The following KIF7 variants were observed in gnomAD, a reference collection of about 807,000 sequenced individuals.
The protein encoded by KIF7 is kinesin-like protein KIF7.
A neutral mutation model predicts 135.7 loss-of-function variants in KIF7; 104 were observed. The ratio of observed to expected loss-of-function variants is 0.77; its 90% CI spans 0.65 to 0.90. KIF7 has a LOEUF of 0.90. Ranked by LOEUF, KIF7 falls within the 40% of genes least tolerant of loss-of-function variation. The probability of loss-of-function intolerance (pLI) is 0.00; values close to 1 mark genes in which losing one functional copy is unlikely to be tolerated. For missense variants in KIF7, 2,005 were observed against 1,839.1 expected (o/e 1.09, Z -1.65); for synonymous variants, 883 against 809.4 (o/e 1.09, Z -1.54).
At chr15:89,634,032 C>T in intron 11 of KIF7, 149 bp from the exon 12 acceptor site, 1 of 846,202 alleles carries the variant, frequency 1.2e-6, no homozygotes, top group Non-Finnish European at 1.9e-6. Flanking sequence ...GGTGCGGTGG[C>T]TCACGTCTGT....
chr15:89,654,072 C>T (rs538013069), intron 1 of KIF7, among the ~76,000 whole-genome samples: 1 of 152,246 alleles, frequency 6.6e-6, no homozygotes, highest in East Asian at 1.9e-4. Flanking sequence ...TGCAGTGGCC[C>T]GATCTCCGCT....
At chr15:89,631,765 G>C in intron 14 of KIF7, 55 bp from the exon 15 acceptor site, 2 of 1,413,808 alleles carry the variant, frequency 1.4e-6, no homozygotes, top group African/African-American at 1.4e-5. Context: ...CCTCACAGGG[G>C]GGACAGAAAG....
In KIF7 at chr15:89,646,926, A is replaced by T; in HGVS notation, c.1692T>A (p.His564Gln). 1 of 1,613,984 alleles carries T rather than the reference A, an allele frequency of 6.2e-7. No homozygotes were observed. Among genetic ancestry groups the T allele is most frequent in the East Asian group, 2.2e-5 (1 of 44,856 alleles). ...LPPGSFVPRP[H>Q]TAPLGGAHAH... ...CGTGGGCACCCCCCAGGGGGGCTGT[A>T]TGAGGTCGAGGCACAAAGGACCCGG... Residue 564 changes from histidine (H) to glutamine (Q), a missense_variant, in exon 7 of 19, where the codon CAT (histidine) becomes CAA (glutamine). Physicochemically the swap from His to Gln is conservative, Grantham distance 24. Coordinates refer to ENST00000394412, the MANE Select transcript of KIF7 (RefSeq NM_198525.3).
At chr15:89,633,665 C>G in intron 12 of KIF7, 21 bp downstream of exon 12, 1 of 1,603,176 alleles carries the variant, frequency 6.2e-7, no homozygotes, top group East Asian at 2.2e-5. Flanking sequence ...CAGAAGGTCC[C>G]CACCCTGCCG....
Position 89,652,961 on chromosome 15 carries a change from A to G in KIF7, c.-24-7T>C. ...GGGAGGACTGCTCTGGGCCCTGTGG[A>G]GAGAGAGAGAAGCCCTGGCCATCAG... On this transcript the variant is annotated splice_polypyrimidine_tract_variant and splice_region_variant and intron_variant, in intron 1 of 18. Coordinates refer to ENST00000394412, the MANE Select transcript of KIF7 (RefSeq NM_198525.3). 1.4e-6 allele frequency: 2 copies of G among 1,451,018 alleles called. No individual in the cohort carries two copies. Among genetic ancestry groups the G allele is most frequent in the Non-Finnish European group, 1.8e-6 (2 of 1,096,722 alleles). 89.9% of individuals were successfully genotyped at this position (1,451,018 alleles called of 1,614,324 possible).
chr15:89,633,216 C>T lies in KIF7; in HGVS notation c.2643G>A (p.Thr881=), dbSNP rs754372387. The T allele has an allele frequency of 1.0e-5, 16 of 1,596,142 alleles. No homozygotes were observed. Among genetic ancestry groups the T allele is most frequent in the African/African-American group, 6.7e-5 (5 of 74,670 alleles). ...EQQQKILKIK[T]EEIAAFQRKR... ...TCCTCTGGAATGCCGCGATCTCTTC[C>T]GTCTTAATCTTCAGGATCTTCTGCT... Residue 881 remains threonine (T), a synonymous_variant, in exon 13 of 19, where the codon ACG becomes ACA. Coordinates refer to ENST00000394412, the MANE Select transcript of KIF7 (RefSeq NM_198525.3).
At chr15:89,637,328 T>A in intron 11 of KIF7, among the ~76,000 whole-genome samples, 1 of 142,126 alleles carries the variant, frequency 7.0e-6, no homozygotes, top group Non-Finnish European at 1.5e-5. Flanking sequence ...ATAACTAAAA[T>A]CAGAGCAGAA....
intron 6 of KIF7, 145 bp from the exon 7 acceptor site, chr15:89,647,202 T>G (rs1188246909): frequency 1.4e-6 from 1 of 724,452 alleles, no homozygotes; most frequent in East Asian, 2.7e-5. Flanking sequence ...CCCCAACAAC[T>G]CTGTAGGAGT....
rs1373758464 is a variant in KIF7, at chr15:89,628,978, C to G, written c.3662G>C (p.Arg1221Thr). The G allele has an allele frequency of 6.2e-7, 1 of 1,613,902 alleles. No homozygotes were observed. Among genetic ancestry groups the G allele is most frequent in the African/African-American group, 1.3e-5 (1 of 74,950 alleles). Residue 1221 changes from arginine to threonine, a missense_variant and splice_region_variant, in exon 18 of 19, where the codon AGG becomes ACG. By Grantham distance (71) the Arg-to-Thr change is moderately conservative. Transcript: ENST00000394412. ...LGGVNAVGHS[R>T]GGEKRSLCSE... The stretch of plus-strand genomic sequence containing the variant: ...TTCAGAGCGCGACGAGGAGTTACCC[C>G]TGCTGTGGCCTACAGCGTTCACACC...
chr15:89,644,950 G>A (rs1963984160), intron 10 of KIF7, 63 bp downstream of exon 10: 3 of 1,593,160 alleles, frequency 1.9e-6, no homozygotes, highest in Non-Finnish European at 2.6e-6. Context: ...CTCTAGAACA[G>A]TGCAGAAGTA....
intron 12 of KIF7, 77 bp downstream of exon 12, chr15:89,633,609 C>T: frequency 1.3e-6 from 2 of 1,516,754 alleles, no homozygotes; most frequent in Non-Finnish European, 1.8e-6. Flanking sequence ...GCAAACCCTG[C>T]CTGGGCTCCC....
intron 11 of KIF7, among the ~76,000 whole-genome samples, chr15:89,639,286 C>G (rs1360167162): frequency 1.3e-5 from 2 of 151,972 alleles, no homozygotes; most frequent in Admixed American, 6.6e-5. Flanking sequence ...CCAAAATCGA[C>G]AAATGGGATC....
chr15:89,619,101 A>G (rs1567050868), intron 1 of KIF7, among the ~76,000 whole-genome samples: 1 of 152,196 alleles, frequency 6.6e-6, no homozygotes, highest in Non-Finnish European at 1.5e-5. Context: ...TAATTCCACA[A>G]CTCAGAAATA....
chr15:89,654,662 C>T (rs1964179828), intron 1 of KIF7, among the ~76,000 whole-genome samples: 1 of 152,190 alleles, frequency 6.6e-6, no homozygotes, highest in Admixed American at 6.5e-5. Flanking sequence ...CCACTTTGCA[C>T]TTTATCACCA....
In KIF7 at chr15:89,628,838, C is replaced by G. The variant is rs760900374; in HGVS notation, c.3665-52G>C. The G allele has an allele frequency of 3.7e-6, 6 of 1,611,626 alleles. No homozygotes were observed. The East Asian group carries it at 8.9e-5, about 24-fold the overall frequency. ...TCAGAAACAGGTGGCAACACCTTCC[C>G]GAAGCCCTAGCTCCCCAGTGCCCCA... On this transcript the variant is annotated intron_variant, in intron 18 of 18. Transcript: ENST00000394412.
At chr15:89,634,367 C>A (rs1307914394) in intron 11 of KIF7, among the ~76,000 whole-genome samples, 1 of 152,190 alleles carries the variant, frequency 6.6e-6, no homozygotes, top group South Asian at 2.1e-4. Context: ...CAGCTCCCAG[C>A]GTGAGTGACG....
In KIF7 at chr15:89,629,418, C is replaced by A. The variant is rs1963621332; in HGVS notation, c.3474G>T (p.Lys1158Asn). ...GCAGCTGCATGTTCTGCTCGTGCTCCTTCTGCTGCAGGGTCAGCTGGCGGT... is the reference window on the plus strand; with the variant it reads ...GCAGCTGCATGTTCTGCTCGTGCTCATTCTGCTGCAGGGTCAGCTGGCGGT... ...EMDRQLTLQQKEHEQNMQLLL... is the reference protein window; with the variant it reads ...EMDRQLTLQQNEHEQNMQLLL... The change falls in exon 17 of 19, where the codon AAG becomes AAT. Residue 1158 changes from lysine (K) to asparagine (N), a missense_variant. Coordinates refer to ENST00000394412, the MANE Select transcript of KIF7 (RefSeq NM_198525.3). 2 of 1,607,236 alleles carry A rather than the reference C, an allele frequency of 1.2e-6. No individual in the cohort carries two copies. Among genetic ancestry groups the A allele is most frequent in the Non-Finnish European group, 1.7e-6 (2 of 1,179,692 alleles).
At position 89,652,749 on chromosome 15, in the gene KIF7, A is replaced by T; in HGVS notation, c.182T>A (p.Leu61Gln). 1 of 1,551,720 alleles carries T rather than the reference A, an allele frequency of 6.4e-7. No individual in the cohort carries two copies. The part of the protein sequence containing the change: ...RDRHFGFHVV[L>Q]AEDAGQEAVY... The stretch of plus-strand genomic sequence containing the variant: ...GGCCTCCTGCCCCGCATCCTCGGCC[A>T]GCACCACGTGGAAGCCAAAGTGTCG... The change falls in exon 2 of 19, where the codon CTG becomes CAG. Residue 61 changes from leucine to glutamine, a missense_variant. By Grantham distance (113) the Leu-to-Gln change is moderately radical. Coordinates refer to ENST00000394412, the MANE Select transcript of KIF7 (RefSeq NM_198525.3).
downstream of KIF7, chr15:89,625,514 T>C (rs201281891): frequency 6.6e-5 from 107 of 1,613,676 alleles, no homozygotes; most frequent in Non-Finnish European, 8.3e-5. Flanking sequence ...ACGCCCATCT[T>C]GGAGGATTTT....
Sources: gnomAD v4.1 joint callset for allele counts (sites outside exome capture counted in the v4.1 genomes callset) on GRCh38, gnomAD v4.1.1 for gene constraint, MANE v1.5 for transcripts, NCBI Gene and HGNC (gene_info 2026-07-23, HGNC 2026-07-21) for gene names.